The following CTCF variants were observed in gnomAD, a reference collection of about 807,000 sequenced individuals.
The protein encoded by CTCF is CCCTC-binding factor.
Under a neutral mutation model 72.3 loss-of-function variants are expected in CTCF, and 7 were observed. The observed-to-expected ratio is 0.10, with a 90% CI of 0.06 to 0.18. The LOEUF is 0.18. Ranked by LOEUF, CTCF falls within the 10% of genes least tolerant of loss-of-function variation. CTCF has a pLI of 1.00. For missense variants in CTCF, 516 were observed against 949.1 expected (o/e 0.54, Z 6.00); for synonymous variants, 374 against 315.8 (o/e 1.18, Z -1.95).
intron 10 of CTCF, among the ~76,000 whole-genome samples, chr16:67,629,746 CTTTTTTTTTTTTTTTTTTTTTTTTT>C (rs71145978): frequency 7.1e-4 from 45 of 63,356 alleles, no homozygotes; most frequent in African/African-American, 1.4e-3. Flanking sequence ...CATTAATGCC[CTTTTTTTTTTTTTTTTTTTTTTTTT>C]TTTTTTTTTT....
At chr16:67,565,802 T>C (rs1234161802) in intron 1 of CTCF, among the ~76,000 whole-genome samples, 2 of 152,172 alleles carry the variant, frequency 1.3e-5, no homozygotes, top group African/African-American at 4.8e-5. Flanking sequence ...TTTAGGATTT[T>C]ATTTTAAAGT....
chr16:67,567,743 AC>A (rs891353432), intron 1 of CTCF: 2 of 152,002 alleles, frequency 1.3e-5, no homozygotes, highest in African/African-American at 4.8e-5. Context: ...GGCGTGTGCC[AC>A]CATGCCCAGC....
chr16:67,565,446 G>A (rs565905096), intron 1 of CTCF, among the ~76,000 whole-genome samples: 11 of 152,194 alleles, frequency 7.2e-5, no homozygotes, highest in South Asian at 6.2e-4. Context: ...TGACCAAGGC[G>A]GGAGAATCAC....
chr16:67,626,837 G>C (rs986362396), intron 8 of CTCF, 122 bp downstream of exon 8: 7 of 652,668 alleles, frequency 1.1e-5, no homozygotes, highest in African/African-American at 1.9e-5. Flanking sequence ...GGATTATGAG[G>C]AATGTCACCA....
In CTCF at chr16:67,638,141, C is replaced by G. The variant is rs750882989; in HGVS notation, c.*269C>G. ...CAGTGTTGACAACTAACTCGTTTTC[C>G]TAGATGGAAACGGAGACATTGACCC... On this transcript the variant is annotated 3_prime_UTR_variant, in exon 12 of 12. Transcript: ENST00000264010. The G allele has an allele frequency of 2.7e-6, 1 of 376,926 alleles. No individual in the cohort carries two copies. The highest frequency in any genetic ancestry group is 3.8e-5 in the East Asian group (1 of 26,148). 23.3% of individuals were successfully genotyped at this position (376,926 alleles called of 1,614,324 possible).
chr16:67,622,811 A>ATTTTTTTTTTT (rs951749794), intron 7 of CTCF, among the ~76,000 whole-genome samples: 45 of 123,918 alleles, frequency 3.6e-4, no homozygotes, highest in African/African-American at 8.3e-4. Flanking sequence ...GCCCGGCTAA[A>ATTTTTTTTTTT]TTTTTTTTTT....
At chr16:67,565,412 C>T (rs895295508) in intron 1 of CTCF, among the ~76,000 whole-genome samples, 3 of 152,140 alleles carry the variant, frequency 2.0e-5, no homozygotes, top group East Asian at 1.9e-4. Context: ...CGGTGGCTCA[C>T]GCCTGTAATC....
intron 2 of CTCF, among the ~76,000 whole-genome samples, chr16:67,583,071 G>A (rs1380079455): frequency 6.8e-6 from 1 of 147,260 alleles, no homozygotes; most frequent in Admixed American, 7.0e-5. Flanking sequence ...TGCAACCTCC[G>A]CCTCCCAGGT....
chr16:67,617,173 C>T (rs2052142578), intron 5 of CTCF, among the ~76,000 whole-genome samples: 1 of 151,038 alleles, frequency 6.6e-6, no homozygotes, highest in Admixed American at 6.6e-5. Flanking sequence ...ACCAGCTTGA[C>T]CAACATGGAG....
intron 2 of CTCF, among the ~76,000 whole-genome samples, chr16:67,586,949 A>G (rs2051676575): frequency 1.3e-5 from 2 of 151,838 alleles, no homozygotes; most frequent in Non-Finnish European, 2.9e-5. Context: ...CCGCACCACC[A>G]TGCCTGACTA....
intron 2 of CTCF, among the ~76,000 whole-genome samples, chr16:67,581,901 T>C (rs2051587697): frequency 6.6e-6 from 1 of 152,142 alleles, no homozygotes; most frequent in Non-Finnish European, 1.5e-5. Context: ...GGGTTACAGG[T>C]GTGAGCCACC....
chr16:67,607,591 C>CT (rs2051993491), intron 2 of CTCF, among the ~76,000 whole-genome samples: 1 of 151,978 alleles, frequency 6.6e-6, no homozygotes, highest in South Asian at 2.1e-4. Flanking sequence ...CAGGCGTGAG[C>CT]TACCGTGCCC....
intron 10 of CTCF, 103 bp from the exon 11 acceptor site, chr16:67,636,587 A>T (rs898154044): frequency 6.2e-5 from 23 of 368,932 alleles, no homozygotes; most frequent in Middle Eastern, 9.7e-4. Context: ...ATATATATAT[A>T]TATTTATAAA....
intron 10 of CTCF, among the ~76,000 whole-genome samples, chr16:67,629,878 C>G (rs1057382802): frequency 3.4e-5 from 5 of 145,360 alleles, no homozygotes; most frequent in Admixed American, 2.1e-4. Context: ...GGGTTCACGC[C>G]ATTCTCCTGC....
intron 2 of CTCF, among the ~76,000 whole-genome samples, chr16:67,583,238 T>C (rs534011889): frequency 6.6e-6 from 1 of 152,002 alleles, no homozygotes; most frequent in African/African-American, 2.4e-5. Flanking sequence ...CCTCCAGCCT[T>C]GGCCTCTCAA....
chr16:67,596,208 T>G (rs2051812778), intron 2 of CTCF, among the ~76,000 whole-genome samples: 1 of 152,194 alleles, frequency 6.6e-6, no homozygotes, highest in Non-Finnish European at 1.5e-5. Flanking sequence ...CGCCTTGGCC[T>G]CCCAAAGTGC....
intron 2 of CTCF, among the ~76,000 whole-genome samples, chr16:67,598,991 GA>G (rs753332519): frequency 1.4e-4 from 21 of 152,274 alleles, no homozygotes; most frequent in African/African-American, 4.8e-4. Context: ...AGCGTGGTAG[GA>G]AAAAAGAGAT....
intron 2 of CTCF, among the ~76,000 whole-genome samples, chr16:67,572,944 C>G (rs2051443463): frequency 9.6e-6 from 1 of 104,412 alleles, no homozygotes; most frequent in South Asian, 4.6e-4. Flanking sequence ...TCTGCCCCCC[C>G]CCGCCCCCCC....
chr16:67,609,687 G>C (rs979009099), intron 2 of CTCF, among the ~76,000 whole-genome samples: 1 of 149,964 alleles, frequency 6.7e-6, no homozygotes, highest in Non-Finnish European at 1.5e-5. Context: ...GCAGTGGCGC[G>C]ATCTTGGCTC....
Sources: gnomAD v4.1 joint callset for allele counts (sites outside exome capture counted in the v4.1 genomes callset) on GRCh38, gnomAD v4.1.1 for gene constraint, MANE v1.5 for transcripts, NCBI Gene and HGNC (gene_info 2026-07-23, HGNC 2026-07-21) for gene names.